PATJ: variants seen among roughly 807,000 people sequenced by gnomAD.
PATJ encodes the protein PATJ crumbs cell polarity complex component.
In PATJ, 190 loss-of-function variants were observed where a neutral mutation model predicts 224.9. The observed-to-expected ratio is 0.84, with a 90% CI of 0.75 to 0.95. The LOEUF (loss-of-function observed/expected upper bound fraction) is 0.95, where lower values mean the gene tolerates loss of function less well. Among genes scored for constraint, PATJ ranks in the 40% least tolerant of loss-of-function variants. The pLI, the probability that PATJ is intolerant of heterozygous loss-of-function variation, is 0.00. For synonymous variants in PATJ, 769 were observed against 820.3 expected, an observed-to-expected ratio of 0.94 and a Z score of 1.07; for missense variants, 2,121 against 2,270.3, an observed-to-expected ratio of 0.93 and a Z score of 1.34.
intron 20 of PATJ, among the ~76,000 whole-genome samples, chr1:61,872,707 C>T (rs995587547): frequency 2.6e-5 from 4 of 152,198 alleles, no homozygotes; most frequent in Admixed American, 1.3e-4. Flanking sequence ...ATTACCCTTA[C>T]GCTCCTGCTT....
intron 28 of PATJ, among the ~76,000 whole-genome samples, chr1:62,008,277 G>A (rs1442099812): frequency 2.0e-5 from 3 of 152,102 alleles, no homozygotes; most frequent in Non-Finnish European, 4.4e-5. Flanking sequence ...AGGATTTGAA[G>A]GACAGTCCCT....
intron 41 of PATJ, among the ~76,000 whole-genome samples, chr1:62,145,670 G>A (rs1462998860): frequency 6.7e-6 from 1 of 149,056 alleles, no homozygotes; most frequent in Non-Finnish European, 1.5e-5. Flanking sequence ...AAAAAATAAA[G>A]AAAAGGCCAG....
chr1:61,851,129 A>G (rs1432116977), intron 17 of PATJ, among the ~76,000 whole-genome samples: 2 of 152,244 alleles, frequency 1.3e-5, no homozygotes, highest in African/African-American at 4.8e-5. Flanking sequence ...TTTAAAGGAA[A>G]TAATTTACAA....
In PATJ at chr1:62,017,986, T is replaced by A. The variant is rs776509890; in HGVS notation, c.3959+39T>A. On this transcript the variant is annotated intron_variant, in intron 29 of 43. Coordinates refer to ENST00000642238, the MANE Select transcript of PATJ (RefSeq NM_001350145.3). ...ATCTGGTTTTGCAAAATCAAAGACC[T>A]CTTCTGAAGATGTTATTAGTGTAAG... 4 of 1,070,830 alleles carry A rather than the reference T, an allele frequency of 3.7e-6. No homozygotes were observed. In the Admixed American group the frequency reaches 5.1e-5, roughly 14 times the overall value. The allele number at this position is 1,070,830 out of a possible 1,614,324, so 66.3% of individuals were successfully genotyped here. A position where few individuals can be genotyped will look rare whatever the true frequency, so the allele number is the denominator to read the frequency against.
intron 30 of PATJ, among the ~76,000 whole-genome samples, chr1:62,041,745 G>A (rs1282172038): frequency 2.0e-5 from 3 of 152,012 alleles, no homozygotes; most frequent in African/African-American, 7.2e-5. Context: ...AATAAAGCAG[G>A]CTAGGCCGGG....
At chr1:61,901,603 T>C (rs1671161082) in intron 24 of PATJ, 144 bp downstream of exon 24, 1 of 570,026 alleles carries the variant, frequency 1.8e-6, no homozygotes, top group Non-Finnish European at 3.0e-6. Context: ...AGTTTGTACA[T>C]TGTATGCACA....
At chr1:61,848,226 T>G (rs772564618) in intron 17 of PATJ, among the ~76,000 whole-genome samples, 3 of 152,244 alleles carry the variant, frequency 2.0e-5, no homozygotes, top group Non-Finnish European at 4.4e-5. Context: ...CGTGAAACTC[T>G]ACACATCCAG....
chr1:61,942,018 C>A (rs1026771623), intron 27 of PATJ, among the ~76,000 whole-genome samples: 3 of 152,148 alleles, frequency 2.0e-5, no homozygotes, highest in Non-Finnish European at 4.4e-5. Flanking sequence ...ATTGATCTTG[C>A]ACTGCTTCAG....
At chr1:61,876,492 C>T (rs2149033999) in intron 21 of PATJ, among the ~76,000 whole-genome samples, 1 of 151,474 alleles carries the variant, frequency 6.6e-6, no homozygotes, top group East Asian at 1.9e-4. Flanking sequence ...TGTTTCATTA[C>T]TATTAATACT....
intron 25 of PATJ, among the ~76,000 whole-genome samples, chr1:61,912,920 A>G (rs1672904048): frequency 6.6e-6 from 1 of 152,216 alleles, no homozygotes; most frequent in African/African-American, 2.4e-5. Flanking sequence ...AAACCCCACC[A>G]GTCTTTGAAA....
chr1:62,072,912 G>C (rs1242975015), intron 31 of PATJ: 2 of 396,522 alleles, frequency 5.0e-6, no homozygotes, highest in African/African-American at 4.4e-5. Flanking sequence ...CAGTGTTTTG[G>C]TCATTTTTGT....
Position 62,128,831 on chromosome 1 carries a change from G to C in PATJ, c.5167-10G>C. 6.4e-7 allele frequency: 1 copy of C among 1,570,950 alleles called. No homozygotes were observed. The highest frequency in any genetic ancestry group is 8.8e-7 in the Non-Finnish European group (1 of 1,141,574). On this transcript the variant is annotated splice_polypyrimidine_tract_variant and intron_variant, in intron 40 of 43. Coordinates refer to ENST00000642238, the MANE Select transcript of PATJ (RefSeq NM_001350145.3). Reference sequence around the variant, plus strand: ...ATGATAGTGATTTTCTGTCATTTTTGTACTTCCAGGTTGGAGATCGGATTG... The same window carrying C: ...ATGATAGTGATTTTCTGTCATTTTTCTACTTCCAGGTTGGAGATCGGATTG...
chr1:61,796,340 G>A (rs1410238320), intron 10 of PATJ, among the ~76,000 whole-genome samples: 1 of 152,174 alleles, frequency 6.6e-6, no homozygotes, highest in African/African-American at 2.4e-5. Context: ...TTTTCAGAAA[G>A]CTAGAAGACC....
At chr1:62,012,024 CAA>C (rs552027685) in intron 28 of PATJ, among the ~76,000 whole-genome samples, 11 of 121,022 alleles carry the variant, frequency 9.1e-5, no homozygotes, top group Non-Finnish European at 1.1e-4. Flanking sequence ...GAACCTGTCT[CAA>C]AAAAAAAAAA....
At chr1:61,956,280 GAAATTTTTAC>G (rs1389115977) in intron 27 of PATJ, among the ~76,000 whole-genome samples, 1 of 152,204 alleles carries the variant, frequency 6.6e-6, no homozygotes, top group Admixed American at 6.5e-5. Context: ...TTTTAATTAT[GAAATTTTTAC>G]AAATTGTAGT....
chr1:61,952,619 T>A (rs1679883813), intron 27 of PATJ, among the ~76,000 whole-genome samples: 1 of 152,216 alleles, frequency 6.6e-6, no homozygotes, highest in Non-Finnish European at 1.5e-5. Flanking sequence ...ATGTGCACTG[T>A]AGTTTGAATG....
intron 21 of PATJ, 31 bp downstream of exon 21, chr1:61,875,397 A>G (rs1385391994): frequency 6.4e-7 from 1 of 1,566,188 alleles, no homozygotes; most frequent in East Asian, 2.3e-5. Flanking sequence ...ATAAACACAA[A>G]TTACATTATT....
At position 62,163,227 on chromosome 1, in the gene PATJ, T is replaced by C. The variant is rs930247135; in HGVS notation, c.*2173T>C. ...GTTGAAAATGTCTTTCATGACGGTA[T>C]TAAGTTTTCTGAAATTACACATGGC... On this transcript the variant is annotated 3_prime_UTR_variant, in exon 44 of 44. Transcript: ENST00000642238. 6.5e-5 allele frequency: 10 copies of C among 153,970 alleles called. No homozygotes were observed. Among genetic ancestry groups the C allele is most frequent in the Admixed American group, 2.0e-4 (3 of 15,284 alleles). The allele number at this position is 153,970 out of a possible 1,614,324, so 9.5% of individuals were successfully genotyped here. A position where few individuals can be genotyped will look rare whatever the true frequency, so the allele number is the denominator to read the frequency against.
intron 17 of PATJ, among the ~76,000 whole-genome samples, chr1:61,834,874 G>A (rs1659922472): frequency 6.6e-6 from 1 of 151,904 alleles, no homozygotes; most frequent in South Asian, 2.1e-4. Context: ...GACTACAGGC[G>A]CCTACCACTA....
Sources: gnomAD v4.1 joint callset for allele counts (sites outside exome capture counted in the v4.1 genomes callset) on GRCh38, gnomAD v4.1.1 for gene constraint, MANE v1.5 for transcripts, NCBI Gene and HGNC (gene_info 2026-07-23, HGNC 2026-07-21) for gene names.